The following CHST11 variants were observed in gnomAD, a reference collection of about 807,000 sequenced individuals.
CHST11 encodes the protein C4S-1.
A neutral mutation model predicts 30.4 loss-of-function variants in CHST11; 9 were observed. The ratio of observed to expected loss-of-function variants is 0.30; its 90% CI spans 0.18 to 0.52. CHST11 has a LOEUF of 0.52. Among genes scored for constraint, CHST11 ranks in the 20% least tolerant of loss-of-function variants. The pLI is 0.97. For missense variants in CHST11, 348 were observed against 460.6 expected, an observed-to-expected ratio of 0.76 and a Z score of 2.24; for synonymous variants, 152 against 187.8, an observed-to-expected ratio of 0.81 and a Z score of 1.56.
intron 2 of CHST11, among the ~76,000 whole-genome samples, chr12:104,688,225 A>C (rs2039866613): frequency 6.6e-6 from 1 of 152,170 alleles, no homozygotes. Flanking sequence ...CTGGATGAAT[A>C]GCTTGCTGTT....
At chr12:104,511,166 A>G (rs972096435) in intron 1 of CHST11, among the ~76,000 whole-genome samples, 8 of 152,216 alleles carry the variant, frequency 5.3e-5, no homozygotes, top group Admixed American at 5.2e-4. Flanking sequence ...CAGAGAGTTT[A>G]TAGCCTAAGT....
At chr12:104,713,369 T>G (rs1459242077) in intron 2 of CHST11, among the ~76,000 whole-genome samples, 1 of 152,064 alleles carries the variant, frequency 6.6e-6, no homozygotes, top group African/African-American at 2.4e-5. Flanking sequence ...CCCTCCAGGA[T>G]AGAAATCAGC....
chr12:104,619,471 T>G lies in CHST11; in HGVS notation c.204+17480T>G, dbSNP rs2039139651. 2.0e-5 allele frequency among the ~76,000 whole-genome samples: 3 copies of G among 152,330 alleles called. No homozygotes were observed. The South Asian group carries it at 6.2e-4, about 32-fold the overall frequency. ...ACAGTAACCATGTGTAATTTTCTTA[T>G]CAATTCACTCTTCTCGTCAGGGGAG... On this transcript the variant is annotated intron_variant, in intron 2 of 2. Transcript: ENST00000303694.
chr12:104,543,173 G>T (rs528730685), intron 1 of CHST11, among the ~76,000 whole-genome samples: 1 of 152,244 alleles, frequency 6.6e-6, no homozygotes, highest in Non-Finnish European at 1.5e-5. Context: ...CAAGAGAGAG[G>T]GGGAGGAGGT....
intron 2 of CHST11, among the ~76,000 whole-genome samples, chr12:104,706,132 C>G (rs1260654199): frequency 6.6e-6 from 1 of 151,610 alleles, no homozygotes; most frequent in Non-Finnish European, 1.5e-5. Flanking sequence ...GCCTGTAATC[C>G]CAGCACTTTG....
intron 1 of CHST11, among the ~76,000 whole-genome samples, chr12:104,520,353 G>C (rs1275089856): frequency 2.0e-5 from 3 of 152,192 alleles, no homozygotes; most frequent in Admixed American, 2.0e-4. Flanking sequence ...CATTCAGTGA[G>C]AGGCAGTAGG....
chr12:104,694,809 T>G (rs892223400), intron 2 of CHST11, among the ~76,000 whole-genome samples: 1 of 152,216 alleles, frequency 6.6e-6, no homozygotes, highest in African/African-American at 2.4e-5. Context: ...TGCCTTCTTC[T>G]GGCATCAGAA....
At chr12:104,673,334 G>T (rs2039713158) in intron 2 of CHST11, among the ~76,000 whole-genome samples, 1 of 152,130 alleles carries the variant, frequency 6.6e-6, no homozygotes, top group Admixed American at 6.5e-5. Context: ...TTAATGGAAT[G>T]GTTTGTTACA....
intron 2 of CHST11, among the ~76,000 whole-genome samples, chr12:104,607,720 C>T (rs1172669884): frequency 6.6e-6 from 1 of 151,998 alleles, no homozygotes; most frequent in African/African-American, 2.4e-5. Flanking sequence ...ATGCCAGGGG[C>T]GGATCGGAGA....
chr12:104,703,131 G>A lies in CHST11; in HGVS notation c.205-53818G>A, dbSNP rs918812280. ...GGGAACTCACCGGGGCGGAGACTTTGTCTGCTTCCTGCTGCATCCCCTGCA... is the reference window on the plus strand; with the variant it reads ...GGGAACTCACCGGGGCGGAGACTTTATCTGCTTCCTGCTGCATCCCCTGCA... On this transcript the variant is annotated intron_variant, in intron 2 of 2. Transcript: ENST00000303694. 2.6e-5 allele frequency among the ~76,000 whole-genome samples: 4 copies of A among 152,342 alleles called. No individual in the cohort carries two copies. In the East Asian group the frequency reaches 7.7e-4, roughly 29 times the overall value.
intron 2 of CHST11, among the ~76,000 whole-genome samples, chr12:104,608,859 C>T (rs1224855190): frequency 6.6e-6 from 1 of 152,146 alleles, no homozygotes; most frequent in East Asian, 1.9e-4. Flanking sequence ...AGACATCCAG[C>T]CAGTAGCATG....
chr12:104,754,433 G>A (rs1412741389), intron 2 of CHST11, among the ~76,000 whole-genome samples: 1 of 152,200 alleles, frequency 6.6e-6, no homozygotes, highest in Non-Finnish European at 1.5e-5. Context: ...CTGGCAGTTG[G>A]TGCTGGTCTG....
intron 2 of CHST11, among the ~76,000 whole-genome samples, chr12:104,633,703 C>T (rs868687186): frequency 6.6e-6 from 1 of 151,928 alleles, no homozygotes; most frequent in Non-Finnish European, 1.5e-5. Context: ...GCATGAGCCA[C>T]ACCGTGCCCA....
At chr12:104,649,051 G>A (rs964642657) in intron 2 of CHST11, among the ~76,000 whole-genome samples, 28 of 152,254 alleles carry the variant, frequency 1.8e-4, no homozygotes, top group Admixed American at 1.8e-3. Flanking sequence ...CTGAAACAGA[G>A]GTCAGCCAGC....
chr12:104,552,971 AAGTC>A (rs1251983163), intron 1 of CHST11: 1 of 152,186 alleles, frequency 6.6e-6, no homozygotes, highest in Non-Finnish European at 1.5e-5. Flanking sequence ...AGAGATGGAA[AAGTC>A]AGTAACTAGT....
chr12:104,608,951 T>G (rs1186952996), intron 2 of CHST11, among the ~76,000 whole-genome samples: 1 of 152,228 alleles, frequency 6.6e-6, no homozygotes, highest in Non-Finnish European at 1.5e-5. Flanking sequence ...ACTTCTGTCT[T>G]GAGCCAGTAA....
intron 1 of CHST11, among the ~76,000 whole-genome samples, chr12:104,526,666 G>T (rs747687220): frequency 2.0e-5 from 3 of 152,152 alleles, no homozygotes; most frequent in Non-Finnish European, 2.9e-5. Flanking sequence ...CCCTGGACTC[G>T]TGTTCTCAAC....
intron 2 of CHST11, among the ~76,000 whole-genome samples, chr12:104,746,320 G>T (rs1423180583): frequency 1.3e-5 from 2 of 152,094 alleles, no homozygotes; most frequent in Non-Finnish European, 2.9e-5. Context: ...TACAAAAGAA[G>T]TACTTTAACT....
intron 1 of CHST11, among the ~76,000 whole-genome samples, chr12:104,500,496 T>A (rs12307816): frequency 0.049 from 7,510 of 152,274 alleles, 350 homozygotes; most frequent in African/African-American, 0.12. Context: ...TTCTACCCTT[T>A]GATGTTTTAC....
Sources: gnomAD v4.1 joint callset for allele counts (sites outside exome capture counted in the v4.1 genomes callset) on GRCh38, gnomAD v4.1.1 for gene constraint, MANE v1.5 for transcripts, NCBI Gene and HGNC (gene_info 2026-07-23, HGNC 2026-07-21) for gene names.